Variants in TIAM1 observed in about 807,000 individuals in gnomAD.
TIAM1 encodes the protein rho guanine nucleotide exchange factor TIAM1.
Under a neutral mutation model 163.5 loss-of-function variants are expected in TIAM1, and 65 were observed. The ratio of observed to expected loss-of-function variants is 0.40; its 90% CI spans 0.33 to 0.49. TIAM1 has a LOEUF of 0.49. TIAM1 is among the 20% of genes least tolerant of loss of function. TIAM1 has a pLI of 0.77. For missense variants in TIAM1, 1,789 were observed against 2,044.7 expected (o/e 0.87, Z 2.41); for synonymous variants, 833 against 810.1 (o/e 1.03, Z -0.48).
At chr21:31,222,517 TCA>T (rs1376229343) in intron 8 of TIAM1, among the ~76,000 whole-genome samples, 1 of 151,774 alleles carries the variant, frequency 6.6e-6, no homozygotes, top group Non-Finnish European at 1.5e-5. Context: ...AGCTGGCGAA[TCA>T]CAGAGTTCTT....
At chr21:31,221,376 T>G (rs900844793) in intron 8 of TIAM1, among the ~76,000 whole-genome samples, 1 of 152,186 alleles carries the variant, frequency 6.6e-6, no homozygotes, top group Non-Finnish European at 1.5e-5. Flanking sequence ...GTTGAACGTA[T>G]GGACTTCAAT....
rs766148974 is a variant in TIAM1, at chr21:31,120,813, C to G, written c.4331G>C (p.Gly1444Ala). ...TCGAGCCAGCCGCCGCCTCCTCCTC[C>G]CAAGAGACTTGCTTGGGGCAGACAC... ...RAVSAPSKSL[G>A]RRRRRLARNR... The change falls in exon 28 of 28, where the codon GGG (glycine) becomes GCG (alanine). Residue 1444 changes from glycine to alanine, a missense_variant. Transcript: ENST00000541036. The surrounding 1 kb of genome is among the most constrained non-coding windows in gnomAD (Gnocchi z 4.2). 2 of 1,612,840 alleles carry G rather than the reference C, an allele frequency of 1.2e-6. No individual in the cohort carries two copies. Among genetic ancestry groups the G allele is most frequent in the Non-Finnish European group, 1.7e-6 (2 of 1,179,534 alleles).
chr21:31,147,051 G>A lies in TIAM1; in HGVS notation c.3367-48C>T, dbSNP rs1408315608. On this transcript the variant is annotated intron_variant, in intron 19 of 27. Transcript: ENST00000541036. Reference sequence around the variant, plus strand: ...CAGTTGGTTGTTTCCTTCCTCCACTGGAAATATCAGCAGGTTATGGCAGGG... The same window carrying A: ...CAGTTGGTTGTTTCCTTCCTCCACTAGAAATATCAGCAGGTTATGGCAGGG... 2.6e-6 allele frequency: 4 copies of A among 1,519,232 alleles called. No individual in the cohort carries two copies. In the East Asian group the frequency reaches 9.1e-5, roughly 34 times the overall value. The allele number at this position is 1,519,232 out of a possible 1,614,324, so 94.1% of individuals were successfully genotyped here.
intron 6 of TIAM1, among the ~76,000 whole-genome samples, chr21:31,229,949 G>A (rs577961285): frequency 3.3e-5 from 5 of 152,252 alleles, no homozygotes; most frequent in African/African-American, 1.2e-4. Flanking sequence ...TACCGCGCCC[G>A]GCCATCTTCA....
upstream of TIAM1, among the ~76,000 whole-genome samples, chr21:31,345,768 G>A (rs144449498): frequency 2.7e-3 from 413 of 152,166 alleles, 1 homozygote; most frequent in African/African-American, 9.6e-3. Flanking sequence ...CTGGAAACAC[G>A]GTGAAACCCC....
chr21:31,129,021 A>G (rs1422838050), intron 25 of TIAM1, among the ~76,000 whole-genome samples: 1 of 152,256 alleles, frequency 6.6e-6, no homozygotes, highest in Non-Finnish European at 1.5e-5. Context: ...TGCCAAAAGC[A>G]TAAAATAGAA....
chr21:31,516,577 A>G (rs2211883), intron 1 of TIAM1, among the ~76,000 whole-genome samples: 119,936 of 151,642 alleles, frequency 0.79, 47,538 homozygotes, highest in East Asian at 0.98. Context: ...AGTATTTGGT[A>G]TAACGTCCTC....
At chr21:31,387,526 G>C (rs1385146033) in intron 2 of TIAM1, among the ~76,000 whole-genome samples, 1 of 151,872 alleles carries the variant, frequency 6.6e-6, no homozygotes, top group East Asian at 2.0e-4. Flanking sequence ...CTTTTTTCAA[G>C]GAGAGGCTGT....
chr21:31,481,491 C>T (rs2046107166), intron 1 of TIAM1, among the ~76,000 whole-genome samples: 1 of 152,116 alleles, frequency 6.6e-6, no homozygotes, highest in African/African-American at 2.4e-5. Context: ...CTCAGTCCCA[C>T]AAGATTGCCC....
At chr21:31,454,626 G>A (rs555128348) in intron 2 of TIAM1, among the ~76,000 whole-genome samples, 2 of 152,162 alleles carry the variant, frequency 1.3e-5, no homozygotes, top group Non-Finnish European at 2.9e-5. Context: ...GGGCATCCAC[G>A]TGGGAGGAGG....
At chr21:31,288,946 A>G (rs962411280) in intron 2 of TIAM1, among the ~76,000 whole-genome samples, 28 of 152,232 alleles carry the variant, frequency 1.8e-4, no homozygotes, top group Middle Eastern at 3.2e-3. Context: ...CTCAGGCTGC[A>G]GGAAACCCAC....
chr21:31,434,223 C>T (rs922140595), intron 2 of TIAM1, among the ~76,000 whole-genome samples: 4 of 152,162 alleles, frequency 2.6e-5, no homozygotes, highest in African/African-American at 9.7e-5. Context: ...TATACTCCCA[C>T]CTGAAACAAT....
chr21:31,370,297 A>T (rs112942009), intron 2 of TIAM1, among the ~76,000 whole-genome samples: 1,632 of 152,344 alleles, frequency 0.011, 23 homozygotes, highest in African/African-American at 0.037. Flanking sequence ...AAAAGTGACC[A>T]TATGCCTGAT....
intron 11 of TIAM1, 120 bp from the exon 12 acceptor site, chr21:31,203,132 G>A: frequency 1.2e-6 from 1 of 864,962 alleles, no homozygotes; most frequent in South Asian, 1.7e-5. Flanking sequence ...TGTTGTTGTT[G>A]TTGTTTTGAG....
intron 2 of TIAM1, among the ~76,000 whole-genome samples, chr21:31,331,430 A>C (rs546805975): frequency 3.7e-4 from 56 of 152,328 alleles, no homozygotes; most frequent in African/African-American, 1.2e-3. Context: ...AAAATGAGGA[A>C]GGAGGATGTC....
chr21:31,430,834 G>T (rs1360090566), intron 2 of TIAM1, among the ~76,000 whole-genome samples: 1 of 151,968 alleles, frequency 6.6e-6, no homozygotes, highest in Non-Finnish European at 1.5e-5. Context: ...ATTTAAAAAA[G>T]CCTCTATTTT....
chr21:31,546,516 C>T (rs943398878), intron 1 of TIAM1, among the ~76,000 whole-genome samples: 2 of 141,210 alleles, frequency 1.4e-5, no homozygotes, highest in African/African-American at 5.0e-5. Flanking sequence ...CACCATTGCA[C>T]TCCAGCCTGG....
intron 2 of TIAM1, among the ~76,000 whole-genome samples, chr21:31,388,669 A>C (rs2076919752): frequency 6.6e-6 from 1 of 151,800 alleles, no homozygotes; most frequent in Admixed American, 6.6e-5. Context: ...TAAAAAATAA[A>C]AAAAAAAACA....
chr21:31,433,160 G>A (rs1569326994), intron 2 of TIAM1, among the ~76,000 whole-genome samples: 1 of 152,162 alleles, frequency 6.6e-6, no homozygotes, highest in Admixed American at 6.5e-5. Context: ...GAAATTGAAA[G>A]CCAGAGCTCT....
Sources: allele counts gnomAD v4.1 joint callset (sites outside exome capture counted in the v4.1 genomes callset), GRCh38; gene constraint gnomAD v4.1.1; non-coding constraint Gnocchi (gnomAD v3.1); transcripts MANE v1.5; gene names NCBI Gene and HGNC (gene_info 2026-07-23, HGNC 2026-07-21).